PKNOX2: variants seen among roughly 807,000 people sequenced by gnomAD.
PKNOX2 encodes the protein PBX/knotted 1 homeobox 2.
Under a neutral mutation model 53.1 loss-of-function variants are expected in PKNOX2, and 14 were observed. The ratio of observed to expected loss-of-function variants is 0.26; its 90% confidence interval spans 0.17 to 0.41. PKNOX2 has a LOEUF of 0.41. Among genes scored for constraint, PKNOX2 ranks in the 10% least tolerant of loss-of-function variants. PKNOX2 has a pLI of 1.00. For missense variants in PKNOX2, 496 were observed against 602.8 expected (o/e 0.82, Z 1.85); for synonymous variants, 257 against 242.8 (o/e 1.06, Z -0.54).
intron 2 of PKNOX2, among the ~76,000 whole-genome samples, chr11:125,299,639 G>C (rs759548459): frequency 6.6e-6 from 1 of 152,190 alleles, no homozygotes. Context: ...TGCCATGTTG[G>C]TCTCAAAGAT....
chr11:125,285,110 G>A lies in PKNOX2; in HGVS notation c.-129-46709G>A, dbSNP rs139893404. Among the ~76,000 whole-genome samples, 312 of 152,194 alleles carry A rather than the reference G, an allele frequency of 2.1e-3. 2 individuals carry two copies. Among genetic ancestry groups the A allele is most frequent in the African/African-American group, 7.3e-3 (302 of 41,500 alleles). On this transcript the variant is annotated intron_variant, in intron 2 of 12. Transcript: ENST00000298282. Reference sequence around the variant, plus strand: ...CAGAAATGCTGTCCCATAGCATTGTGGCGCCTAAAGCAATCAAGCCATGGA... The same window carrying A: ...CAGAAATGCTGTCCCATAGCATTGTAGCGCCTAAAGCAATCAAGCCATGGA...
intron 1 of PKNOX2, among the ~76,000 whole-genome samples, chr11:125,174,721 A>T (rs555316312): frequency 5.3e-5 from 8 of 152,238 alleles, no homozygotes; most frequent in African/African-American, 1.9e-4. Flanking sequence ...GACCCTGCAG[A>T]GTCCCCCAGC....
At chr11:125,249,698 T>C (rs1448373949) in intron 2 of PKNOX2, among the ~76,000 whole-genome samples, 2 of 152,252 alleles carry the variant, frequency 1.3e-5, no homozygotes, top group South Asian at 2.1e-4. Flanking sequence ...ACAAATCCCA[T>C]GCAGATACCA....
intron 1 of PKNOX2, among the ~76,000 whole-genome samples, chr11:125,170,461 A>C (rs1337871629): frequency 6.6e-6 from 1 of 152,096 alleles, no homozygotes; most frequent in African/African-American, 2.4e-5. Context: ...CAGTCTTTCT[A>C]CCTGAACTCC....
chr11:125,319,440 T>C (rs1201872717), intron 2 of PKNOX2, among the ~76,000 whole-genome samples: 1 of 152,210 alleles, frequency 6.6e-6, no homozygotes, highest in Non-Finnish European at 1.5e-5. Context: ...CAATGCGGTG[T>C]TGCCATGAAC....
intron 2 of PKNOX2, among the ~76,000 whole-genome samples, chr11:125,279,241 G>A (rs1946386793): frequency 1.3e-5 from 2 of 152,122 alleles, no homozygotes; most frequent in Non-Finnish European, 2.9e-5. Flanking sequence ...GGTTGTGCCT[G>A]GACCTCTCAG....
chr11:125,258,338 GTCTTTCTCT>G (rs1944575663), intron 2 of PKNOX2, among the ~76,000 whole-genome samples: 1 of 152,050 alleles, frequency 6.6e-6, no homozygotes, highest in Non-Finnish European at 1.5e-5. Context: ...ACTAGAAATT[GTCTTTCTCT>G]GTGTAAACAC....
At chr11:125,198,582 T>G (rs940279466) in intron 1 of PKNOX2, among the ~76,000 whole-genome samples, 4 of 152,208 alleles carry the variant, frequency 2.6e-5, no homozygotes, top group African/African-American at 9.6e-5. Context: ...CACAGGGTAG[T>G]AAAATAATCA....
intron 2 of PKNOX2, among the ~76,000 whole-genome samples, chr11:125,308,931 TCCAA>T (rs1206537290): frequency 6.6e-6 from 1 of 152,166 alleles, no homozygotes; most frequent in Non-Finnish European, 1.5e-5. Context: ...GTCATGTTCC[TCCAA>T]GATCTTCTGT....
At chr11:125,348,458 C>T (rs776638222) in intron 3 of PKNOX2, among the ~76,000 whole-genome samples, 6 of 152,240 alleles carry the variant, frequency 3.9e-5, no homozygotes, top group South Asian at 2.1e-4. Context: ...CCTGTGGTGA[C>T]CCCAAGGAGG....
chr11:125,229,352 T>A (rs970036695), intron 1 of PKNOX2, among the ~76,000 whole-genome samples: 1 of 152,208 alleles, frequency 6.6e-6, no homozygotes, highest in Admixed American at 6.5e-5. Flanking sequence ...GCTGATACTC[T>A]ACCTCATCCA....
At chr11:125,421,329 A>C (rs1214654516) in intron 10 of PKNOX2, among the ~76,000 whole-genome samples, 1 of 152,132 alleles carries the variant, frequency 6.6e-6, no homozygotes, top group Non-Finnish European at 1.5e-5. Flanking sequence ...GGATGGGGAG[A>C]TGTTTCTTCC....
At chr11:125,300,559 C>T (rs1947980259) in intron 2 of PKNOX2, among the ~76,000 whole-genome samples, 1 of 151,658 alleles carries the variant, frequency 6.6e-6, no homozygotes, top group African/African-American at 2.4e-5. Context: ...TGTGTGCGTG[C>T]ACAGAGAGAG....
At chr11:125,282,221 G>A (rs1946605067) in intron 2 of PKNOX2, among the ~76,000 whole-genome samples, 1 of 152,248 alleles carries the variant, frequency 6.6e-6, no homozygotes, top group South Asian at 2.1e-4. Context: ...ACAAAATTGG[G>A]TTTGAAACTG....
At chr11:125,202,644 C>A (rs1434492607) in intron 1 of PKNOX2, among the ~76,000 whole-genome samples, 1 of 151,548 alleles carries the variant, frequency 6.6e-6, no homozygotes, top group Non-Finnish European at 1.5e-5. Context: ...TCCATCCCAC[C>A]TTCCATTGGA....
intron 8 of PKNOX2, chr11:125,410,555 T>G: frequency 1.5e-6 from 1 of 685,840 alleles, no homozygotes; most frequent in Non-Finnish European, 2.4e-6. Flanking sequence ...GAGGACCAAG[T>G]AAGGCTGTTG....
At chr11:125,380,958 G>A (rs1953180963) in intron 5 of PKNOX2, among the ~76,000 whole-genome samples, 2 of 152,202 alleles carry the variant, frequency 1.3e-5, no homozygotes, top group Non-Finnish European at 2.9e-5. Context: ...GGCACCTGGG[G>A]AAGGGGAGGT....
chr11:125,388,671 G>T (rs1410243300), intron 6 of PKNOX2, among the ~76,000 whole-genome samples: 1 of 151,722 alleles, frequency 6.6e-6, no homozygotes, highest in Admixed American at 6.6e-5. Flanking sequence ...AACAAGCCCC[G>T]CATTTGAACT....
intron 5 of PKNOX2, among the ~76,000 whole-genome samples, chr11:125,382,445 G>A (rs906748898): frequency 6.6e-6 from 1 of 152,192 alleles, no homozygotes; most frequent in African/African-American, 2.4e-5. Context: ...CCACCACCTG[G>A]CACGATGCTG....
Sources: allele counts gnomAD v4.1 joint callset (sites outside exome capture counted in the v4.1 genomes callset), GRCh38; gene constraint gnomAD v4.1.1; transcripts MANE v1.5; gene names NCBI Gene and HGNC (gene_info 2026-07-23, HGNC 2026-07-21).